FGF10: variants seen among roughly 807,000 people sequenced by gnomAD.
FGF10 encodes the protein fibroblast growth factor 10.
FGF10 carries 2 observed loss-of-function variants against 19.8 expected under a neutral mutation model. The ratio of observed to expected loss-of-function variants is 0.10; its 90% confidence interval spans 0.04 to 0.32. The LOEUF is 0.32. Ranked by LOEUF, FGF10 falls within the 10% of genes least tolerant of loss-of-function variation. The pLI, the probability that FGF10 is intolerant of heterozygous loss-of-function variation, is 1.00. For missense variants in FGF10, 191 were observed against 246.3 expected, an observed-to-expected ratio of 0.78 and a Z score of 1.50; for synonymous variants, 112 against 94.0, an observed-to-expected ratio of 1.19 and a Z score of -1.10.
chr5:44,315,575 G>C (rs1446326999), intron 1 of FGF10, among the ~76,000 whole-genome samples: 1 of 152,118 alleles, frequency 6.6e-6, no homozygotes, highest in Non-Finnish European at 1.5e-5. Flanking sequence ...CATTAATTCA[G>C]AATCAGTCAC....
chr5:44,340,889 G>A (rs1177188293), intron 1 of FGF10, among the ~76,000 whole-genome samples: 1 of 151,034 alleles, frequency 6.6e-6, no homozygotes, highest in African/African-American at 2.4e-5. Context: ...CAAGGTGGAA[G>A]GGGAGAGACA....
chr5:44,381,727 T>C (rs1741986861), intron 1 of FGF10, among the ~76,000 whole-genome samples: 1 of 152,122 alleles, frequency 6.6e-6, no homozygotes. Flanking sequence ...TAACACAAGG[T>C]CCTTGAAGAA....
At chr5:44,306,394 C>T (rs140876430) in intron 2 of FGF10, among the ~76,000 whole-genome samples, 16 of 152,092 alleles carry the variant, frequency 1.1e-4, no homozygotes, top group Non-Finnish European at 1.6e-4. Context: ...GAGACTCCGT[C>T]TCAAAACAAA....
intron 1 of FGF10, among the ~76,000 whole-genome samples, chr5:44,360,928 C>G (rs533646289): frequency 1.3e-5 from 2 of 151,740 alleles, no homozygotes; most frequent in South Asian, 2.1e-4. Flanking sequence ...TTTAAAGAGG[C>G]CTGCTGCTGC....
At chr5:44,335,604 T>G (rs1300894788) in intron 1 of FGF10, among the ~76,000 whole-genome samples, 1 of 152,096 alleles carries the variant, frequency 6.6e-6, no homozygotes. Flanking sequence ...TTCTATTTAT[T>G]TAGGTTAAAT....
chr5:44,308,476 G>C (rs1243303794), intron 2 of FGF10, among the ~76,000 whole-genome samples: 1 of 152,092 alleles, frequency 6.6e-6, no homozygotes, highest in Non-Finnish European at 1.5e-5. Flanking sequence ...TCTCTTCAAA[G>C]AATATGTACC....
chr5:44,302,212 T>C lies in FGF10; in HGVS notation c.*2783A>G, dbSNP rs1032139546. On this transcript the variant is annotated 3_prime_UTR_variant, in exon 3 of 3. Coordinates refer to ENST00000264664, the MANE Select transcript of FGF10 (RefSeq NM_004465.2). ...TTTAAATGCAAGAGAATGTCATTACTCCTTACCAAACAATCTTTCTTTCTC... is the reference window on the plus strand; with the variant it reads ...TTTAAATGCAAGAGAATGTCATTACCCCTTACCAAACAATCTTTCTTTCTC... Among the ~76,000 whole-genome samples, 3 of 151,932 alleles carry C rather than the reference T, an allele frequency of 2.0e-5. No homozygotes were observed. The highest frequency in any genetic ancestry group is 4.4e-5 in the Non-Finnish European group (3 of 67,986).
In FGF10 at chr5:44,301,175, G is replaced by T. The variant is rs1739957865; in HGVS notation, c.*3820C>A. The stretch of plus-strand genomic sequence containing the variant: ...AAGTCCTGCTTCATGAAATAAACAA[G>T]AACTCTTAATCAATATGGTATCTGT... On this transcript the variant is annotated 3_prime_UTR_variant, in exon 3 of 3. Coordinates refer to ENST00000264664, the MANE Select transcript of FGF10 (RefSeq NM_004465.2). 6.6e-6 allele frequency among the ~76,000 whole-genome samples: 1 copy of T among 151,508 alleles called. No individual in the cohort carries two copies. The highest frequency in any genetic ancestry group is 2.4e-5 in the African/African-American group (1 of 41,198).
chr5:44,388,303 C>G, intron 1 of FGF10, 55 bp downstream of exon 1: 1 of 1,531,364 alleles, frequency 6.5e-7, no homozygotes, highest in Non-Finnish European at 9.0e-7. Flanking sequence ...TTTTCCCCCC[C>G]GTGTGGGCTG....
rs869035955 is a variant in FGF10 at position 44,349,422 on chromosome 5, TTATATATATATATATA to T, written c.326-38908_326-38893del. ...CTAAGAAAATGGGAAAGCATTTTCT[TTATATATATATATATA>T]TATATATATATATATATATATATAT... On this transcript the variant is annotated intron_variant, in intron 1 of 2. Transcript: ENST00000264664. Among the ~76,000 whole-genome samples the T allele has an allele frequency of 2.7e-3, 113 of 41,396 alleles. 2 individuals are homozygous for T. Among genetic ancestry groups the T allele is most frequent in the Admixed American group, 7.0e-3 (21 of 3,008 alleles). The allele number at this position is 41,396 out of a possible 152,430, so 27.2% of individuals were successfully genotyped here.
intron 1 of FGF10, among the ~76,000 whole-genome samples, chr5:44,321,751 A>C (rs1740495134): frequency 6.6e-6 from 1 of 152,186 alleles, no homozygotes; most frequent in Non-Finnish European, 1.5e-5. Flanking sequence ...GGAGACAGAC[A>C]GAGAGCACAC....
intron 1 of FGF10, among the ~76,000 whole-genome samples, chr5:44,323,226 C>T (rs1740537974): frequency 6.6e-6 from 1 of 152,128 alleles, no homozygotes; most frequent in Non-Finnish European, 1.5e-5. Flanking sequence ...GTTGGAAATA[C>T]AAGAAGAGAG....
chr5:44,383,711 T>C (rs1742033636), intron 1 of FGF10, among the ~76,000 whole-genome samples: 1 of 152,112 alleles, frequency 6.6e-6, no homozygotes, highest in Admixed American at 6.5e-5. Flanking sequence ...GACAATGTCA[T>C]GTAAACATTA....
chr5:44,389,156 C>A lies in FGF10; in HGVS notation c.-474G>T. 1 of 231,630 alleles carries A rather than the reference C, an allele frequency of 4.3e-6. No individual in the cohort carries two copies. The highest frequency in any genetic ancestry group is 2.2e-5 in the African/African-American group (1 of 44,496). The allele number at this position is 231,630 out of a possible 1,614,324, so 14.3% of individuals were successfully genotyped here. A position where few individuals can be genotyped will look rare whatever the true frequency, so the allele number is the denominator to read the frequency against. ...CCCTCTGCGGTTGGCACCTTCTGGT[C>A]TCTCTCTGCGGAGCCCCAGCCTGCG... On this transcript the variant is annotated 5_prime_UTR_variant, in exon 1 of 3. Coordinates refer to ENST00000264664, the MANE Select transcript of FGF10 (RefSeq NM_004465.2).
chr5:44,362,739 T>A lies in FGF10; in HGVS notation c.325+25619A>T, dbSNP rs569815218. On this transcript the variant is annotated intron_variant, in intron 1 of 2. Coordinates refer to ENST00000264664, the MANE Select transcript of FGF10 (RefSeq NM_004465.2). ...CCTAATGTCTTGGAGATATCCTATA[T>A]ATCCTTTACCCTCTGCTAAAGAAAT... Among the ~76,000 whole-genome samples the A allele has an allele frequency of 2.0e-5, 3 of 151,776 alleles. No homozygotes were observed. The South Asian group carries it at 6.2e-4, about 31-fold the overall frequency.
intron 1 of FGF10, among the ~76,000 whole-genome samples, chr5:44,348,313 AAC>A (rs2111811375): frequency 6.6e-6 from 1 of 151,872 alleles, no homozygotes; most frequent in South Asian, 2.1e-4. Context: ...AAACAAAGTT[AAC>A]ACTAATAAAA....
Position 44,358,473 on chromosome 5 carries a change from T to C in FGF10, c.325+29885A>G, listed in dbSNP as rs1274111849. On this transcript the variant is annotated intron_variant, in intron 1 of 2. Transcript: ENST00000264664. The stretch of plus-strand genomic sequence containing the variant: ...AATACATTAAATAAAACAGAAGGGC[T>C]ACATGAGTCAGAAGCTCTAAAAAAC... Among the ~76,000 whole-genome samples, 4 of 151,614 alleles carry C rather than the reference T, an allele frequency of 2.6e-5. No individual in the cohort carries two copies. In the South Asian group the frequency reaches 6.2e-4, roughly 24 times the overall value.
chr5:44,368,394 G>A (rs570061430), intron 1 of FGF10, among the ~76,000 whole-genome samples: 69 of 152,100 alleles, frequency 4.5e-4, no homozygotes, highest in Non-Finnish European at 7.9e-4. Context: ...ATACAACATA[G>A]CACCGCATAT....
rs114768643 is a variant in FGF10 at position 44,332,319 on chromosome 5, C to A, written c.326-21789G>T. Among the ~76,000 whole-genome samples the A allele has an allele frequency of 5.5e-3, 837 of 152,198 alleles. 3 individuals are homozygous for A. Among genetic ancestry groups the A allele is most frequent in the Admixed American group, 8.5e-3 (130 of 15,278 alleles). On this transcript the variant is annotated intron_variant, in intron 1 of 2. Transcript: ENST00000264664. ...TTTTCCAGCTTTATAATTCTATGAT[C>A]TATGAACAAGAGCCAAAATCACAAT...
Sources: allele counts gnomAD v4.1 joint callset (sites outside exome capture counted in the v4.1 genomes callset), GRCh38; gene constraint gnomAD v4.1.1; transcripts MANE v1.5; gene names NCBI Gene and HGNC (gene_info 2026-07-23, HGNC 2026-07-21).